The following PPARGC1B variants were observed in gnomAD, a reference collection of about 807,000 sequenced individuals.
PPARGC1B encodes the protein PPARG coactivator 1 beta, also known as peroxisome proliferator-activated receptor gamma coactivator 1-beta.
PPARGC1B carries 34 observed loss-of-function variants against 101.6 expected under a neutral mutation model. The ratio of observed to expected loss-of-function variants is 0.33; its 90% CI spans 0.25 to 0.45. PPARGC1B has a LOEUF of 0.45. Ranked by LOEUF, PPARGC1B falls within the 20% of genes least tolerant of loss-of-function variation. PPARGC1B has a pLI of 1.00. For synonymous variants in PPARGC1B, 548 were observed against 539.3 expected (o/e 1.02, Z -0.22); for missense variants, 1,234 against 1,317.6 (o/e 0.94, Z 0.98).
At chr5:149,760,030 A>G (rs1755665132) in intron 1 of PPARGC1B, among the ~76,000 whole-genome samples, 2 of 152,222 alleles carry the variant, frequency 1.3e-5, no homozygotes, top group African/African-American at 4.8e-5. Context: ...TGAAGAAGCT[A>G]TGGTCCTTGC....
At chr5:149,763,132 C>A (rs1755775777) in intron 1 of PPARGC1B, among the ~76,000 whole-genome samples, 1 of 152,122 alleles carries the variant, frequency 6.6e-6, no homozygotes, top group Admixed American at 6.5e-5. Context: ...AGGTGACCTG[C>A]CATCCCCTGC....
At chr5:149,791,210 G>T (rs927756105) in intron 1 of PPARGC1B, among the ~76,000 whole-genome samples, 33 of 126,004 alleles carry the variant, frequency 2.6e-4, no homozygotes, top group Non-Finnish European at 4.6e-4. Flanking sequence ...TGGGGCGGGG[G>T]GCGGGGTGGG....
chr5:149,776,653 A>G (rs1756370975), intron 1 of PPARGC1B, among the ~76,000 whole-genome samples: 1 of 152,174 alleles, frequency 6.6e-6, no homozygotes, highest in Non-Finnish European at 1.5e-5. Flanking sequence ...CTAGGATGCA[A>G]TGAAGACATC....
intron 10 of PPARGC1B, among the ~76,000 whole-genome samples, chr5:149,843,045 G>GT (rs1318739679): frequency 6.6e-6 from 1 of 152,188 alleles, no homozygotes; most frequent in East Asian, 1.9e-4. Context: ...GTGCACTCCT[G>GT]TATTCCCAGC....
chr5:149,767,465 G>A (rs1755953807), intron 1 of PPARGC1B, among the ~76,000 whole-genome samples: 1 of 152,216 alleles, frequency 6.6e-6, no homozygotes, highest in Non-Finnish European at 1.5e-5. Context: ...GCTGTGTGGA[G>A]AGATGGCATT....
At chr5:149,801,882 A>T (rs1757441094) in intron 1 of PPARGC1B, among the ~76,000 whole-genome samples, 1 of 152,170 alleles carries the variant, frequency 6.6e-6, no homozygotes, top group African/African-American at 2.4e-5. Context: ...CTTGTGTAGT[A>T]ATCTCACTGA....
chr5:149,806,841 AGGC>A (rs1757619450), intron 1 of PPARGC1B, among the ~76,000 whole-genome samples: 2 of 152,002 alleles, frequency 1.3e-5, no homozygotes, highest in Non-Finnish European at 2.9e-5. Context: ...TCCTGTCCTC[AGGC>A]CGTCCACCCA....
At chr5:149,830,973 C>T in intron 4 of PPARGC1B, 90 bp downstream of exon 4, 2 of 851,912 alleles carry the variant, frequency 2.3e-6, no homozygotes, top group East Asian at 4.8e-5. Context: ...TTCAGTCAAC[C>T]TCCAATATCT....
intron 2 of PPARGC1B, among the ~76,000 whole-genome samples, chr5:149,821,283 C>T (rs534715316): frequency 2.0e-5 from 3 of 152,290 alleles, no homozygotes; most frequent in Non-Finnish European, 2.9e-5. Context: ...CACTATTATG[C>T]ATGTGCCTCT....
chr5:149,819,499 T>TG (rs1758192639), intron 1 of PPARGC1B, among the ~76,000 whole-genome samples: 1 of 150,854 alleles, frequency 6.6e-6, no homozygotes, highest in Admixed American at 6.6e-5. Context: ...TTTTTGTTTT[T>TG]TTTTGTTTGT....
intron 1 of PPARGC1B, among the ~76,000 whole-genome samples, chr5:149,773,434 C>A (rs1424619693): frequency 2.6e-5 from 4 of 152,224 alleles, no homozygotes; most frequent in African/African-American, 4.8e-5. Context: ...AAGACACCTG[C>A]GGCTCCTGCT....
chr5:149,819,498 T>G (rs112860898), intron 1 of PPARGC1B, among the ~76,000 whole-genome samples: 2,314 of 150,990 alleles, frequency 0.015, 45 homozygotes, highest in African/African-American at 0.053. Context: ...GTTTTTGTTT[T>G]TTTTTGTTTG....
In PPARGC1B at chr5:149,730,408, C is replaced by G; in HGVS notation, c.66C>G (p.Leu22=). The part of the protein sequence containing the change: ...EELSSFFLNY[L]ADTQGGGSGE... The stretch of plus-strand genomic sequence containing the variant: ...TCTCCTCCTTCTTCCTCAACTATCT[C>G]GCTGACACGCAGGTACGGCCGGCTG... Residue 22 remains leucine (L), a synonymous_variant, in exon 1 of 12, where the codon CTC becomes CTG. Coordinates refer to ENST00000309241, the MANE Select transcript of PPARGC1B (RefSeq NM_133263.4). This position sits in a 1 kb window ranked among gnomAD's most constrained non-coding sequence, Gnocchi z 4.0. The G allele has an allele frequency of 6.4e-7, 1 of 1,562,490 alleles. No individual in the cohort carries two copies. Among genetic ancestry groups the G allele is most frequent in the Non-Finnish European group, 8.6e-7 (1 of 1,156,678 alleles).
At chr5:149,812,441 ATAAGG>A (rs140364236) in intron 1 of PPARGC1B, among the ~76,000 whole-genome samples, 22,639 of 152,006 alleles carry the variant, frequency 0.15, 1,877 homozygotes, top group African/African-American at 0.19. Context: ...GGTTTTTTTC[ATAAGG>A]TAAGAGAGAT....
chr5:149,846,075 G>T, intron 11 of PPARGC1B, 161 bp downstream of exon 11: 1 of 776,452 alleles, frequency 1.3e-6, no homozygotes, highest in Admixed American at 2.2e-5. Context: ...TTTGCCTGAA[G>T]ACTACCATCC....
At chr5:149,839,983 C>T in intron 8 of PPARGC1B, 58 bp from the exon 9 acceptor site, 3 of 1,556,856 alleles carry the variant, frequency 1.9e-6, no homozygotes, top group Non-Finnish European at 2.7e-6. Flanking sequence ...CAGATCCGCC[C>T]CCACCCCCAT....
intron 5 of PPARGC1B, among the ~76,000 whole-genome samples, chr5:149,834,147 A>G (rs1052985183): frequency 6.6e-6 from 1 of 152,266 alleles, no homozygotes; most frequent in African/African-American, 2.4e-5. Context: ...TCAGCTCCAC[A>G]ATGCAGCTAG....
rs777187984 is a variant in PPARGC1B at position 149,772,120 on chromosome 5, G to A, written c.78+41700G>A. On this transcript the variant is annotated intron_variant, in intron 1 of 11. Coordinates refer to ENST00000309241, the MANE Select transcript of PPARGC1B (RefSeq NM_133263.4). ...TGGGGCTGCCCCAGGACCCTTGGAG[G>A]AGCCGCCACCAGAGCAATGGTAGGT... 5.6e-6 allele frequency: 9 copies of A among 1,596,366 alleles called. No homozygotes were observed. In the South Asian group the frequency reaches 9.1e-5, roughly 16 times the overall value.
chr5:149,769,084 A>C (rs1756026379), intron 1 of PPARGC1B, among the ~76,000 whole-genome samples: 1 of 152,222 alleles, frequency 6.6e-6, no homozygotes, highest in Non-Finnish European at 1.5e-5. Context: ...CCTCAGCTCC[A>C]CCTCAGATCA....
Sources: gnomAD v4.1 joint callset for allele counts (sites outside exome capture counted in the v4.1 genomes callset) on GRCh38, gnomAD v4.1.1 for gene constraint, Gnocchi (gnomAD v3.1) non-coding constraint, MANE v1.5 for transcripts, NCBI Gene and HGNC (gene_info 2026-07-23, HGNC 2026-07-21) for gene names.